The following AK9 variants were observed in gnomAD, a reference collection of about 807,000 sequenced individuals.
The protein encoded by AK9 is adenylate kinase 9, also known as adenylate kinase domain containing 1.
AK9 carries 191 observed loss-of-function variants against 239.6 expected under a neutral mutation model. The observed-to-expected ratio is 0.80, with a 90% CI of 0.71 to 0.90. The LOEUF is 0.90. Ranked by LOEUF, AK9 falls within the 40% of genes least tolerant of loss-of-function variation. AK9 has a pLI of 0.00. For synonymous variants in AK9, 689 were observed against 721.0 expected (o/e 0.96, Z 0.71); for missense variants, 1,995 against 2,214.7 (o/e 0.90, Z 1.99).
intron 5 of AK9, 101 bp downstream of exon 5, chr6:109,671,818 A>G: frequency 1.1e-6 from 1 of 936,680 alleles, no homozygotes; most frequent in South Asian, 1.6e-5. Context: ...TTCTTATGCT[A>G]AGGCAAAAGA....
At chr6:109,571,222 T>A (rs928287645) in intron 21 of AK9, among the ~76,000 whole-genome samples, 1 of 152,118 alleles carries the variant, frequency 6.6e-6, no homozygotes. Flanking sequence ...CAAATGGAAT[T>A]ATCATTATCC....
At chr6:109,509,465 G>T in intron 32 of AK9, 85 bp from the exon 33 acceptor site, 1 of 1,200,884 alleles carries the variant, frequency 8.3e-7, no homozygotes. Context: ...GGTATATTGT[G>T]TGATGCTCAG....
At position 109,619,230 on chromosome 6, in the gene AK9, C is replaced by G. The variant is rs762842091; in HGVS notation, c.1261G>C (p.Asp421His). 6.5e-7 allele frequency: 1 copy of G among 1,540,118 alleles called. No homozygotes were observed. The highest frequency in any genetic ancestry group is 2.1e-5 in the Admixed American group (1 of 47,868). ...LAENYKGKVV[D>H]YAQLVQPRFD... ...CGTGGCTGAACAAGTTGGGCATAGT[C>G]GACTACCTGCAAAGAATATTTGAGA... The change falls in exon 13 of 41, where the codon GAC (aspartate) becomes CAC (histidine). Residue 421 changes from aspartate (D) to histidine (H), a missense_variant. This residue lies in a region of AK9 where 1,290 missense variants were observed against 1,392.7 expected (regional missense o/e 0.93). Coordinates refer to ENST00000424296, the MANE Select transcript of AK9 (RefSeq NM_001145128.3).
intron 27 of AK9, among the ~76,000 whole-genome samples, chr6:109,537,855 G>T (rs1412489103): frequency 1.3e-5 from 2 of 152,060 alleles, no homozygotes; most frequent in African/African-American, 4.8e-5. Context: ...CTTTCATTTT[G>T]TTATGTACCC....
At chr6:109,573,671 G>C in intron 20 of AK9, 77 bp from the exon 21 acceptor site, 1 of 1,357,208 alleles carries the variant, frequency 7.4e-7, no homozygotes, top group South Asian at 1.5e-5. Flanking sequence ...AAGTGCTGAA[G>C]CCAAACAAAG....
intron 13 of AK9, among the ~76,000 whole-genome samples, chr6:109,614,948 A>G (rs2128242815): frequency 6.6e-6 from 1 of 152,350 alleles, no homozygotes; most frequent in South Asian, 2.1e-4. Context: ...TTTGGAAAAG[A>G]AAATAAAAAG....
chr6:109,633,127 AC>A, intron 11 of AK9, 24 bp from the exon 12 acceptor site: 2 of 1,555,158 alleles, frequency 1.3e-6, no homozygotes, highest in Non-Finnish European at 1.7e-6. Context: ...ATATTAGTAA[AC>A]AACTGAAAAG....
intron 29 of AK9, among the ~76,000 whole-genome samples, chr6:109,526,937 T>C (rs968417411): frequency 6.6e-6 from 1 of 152,184 alleles, no homozygotes; most frequent in Non-Finnish European, 1.5e-5. Context: ...TTCAACCTCA[T>C]GTGGACCCTG....
intron 1 of AK9, among the ~76,000 whole-genome samples, chr6:109,677,754 G>A (rs989912184): frequency 7.2e-5 from 11 of 152,076 alleles, no homozygotes; most frequent in Non-Finnish European, 1.6e-4. Flanking sequence ...ATTGGAAAAT[G>A]CCCAAAATAT....
At chr6:109,525,874 A>T (rs750194418) in intron 29 of AK9, among the ~76,000 whole-genome samples, 18 of 152,248 alleles carry the variant, frequency 1.2e-4, no homozygotes, top group Admixed American at 2.0e-4. Flanking sequence ...TAGCAAAGAC[A>T]TGCAATCAAC....
chr6:109,633,063 A>G lies in AK9; in HGVS notation c.1114T>C (p.Leu372=). The G allele has an allele frequency of 1.3e-6, 2 of 1,556,724 alleles. No homozygotes were observed. The highest frequency in any genetic ancestry group is 1.4e-5 in the African/African-American group (1 of 72,446). ...CGTGGGTTCAACAAAAATGGTTTTA[A>G]TGCTTCTTCTGATGAAAGACAGTAG... is the stretch of plus-strand genomic sequence containing the variant. ...KIYCLSSEEA[L]KPFLLNPRPY... Residue 372 remains leucine (L), a synonymous_variant, in exon 12 of 41, where the codon TTA becomes CTA. Transcript: ENST00000424296.
Position 109,533,253 on chromosome 6 carries a change from T to G in AK9, c.3568A>C (p.Arg1190=). 1 of 1,603,580 alleles carries G rather than the reference T, an allele frequency of 6.2e-7. No individual in the cohort carries two copies. The highest frequency in any genetic ancestry group is 8.5e-7 in the Non-Finnish European group (1 of 1,175,526). ...ATGCATTTTTGCTAGATACATACCC[T>G]GATTTTTGCCTTCATGTCTTTGATC... ...KLIKDMKAKI[R]VDTIAKRRAE... The change falls in exon 28 of 41, where the codon AGG becomes CGG. Residue 1190 remains arginine (R), a splice_region_variant and synonymous_variant. Coordinates refer to ENST00000424296, the MANE Select transcript of AK9 (RefSeq NM_001145128.3).
intron 12 of AK9, chr6:109,632,070 T>C: frequency 1.3e-6 from 1 of 778,850 alleles, no homozygotes; most frequent in Non-Finnish European, 1.6e-6. Context: ...GGCGTCTGGG[T>C]GCTGGCAACA....
At chr6:109,495,545 G>A (rs1776948509) in intron 38 of AK9, 105 bp from the exon 39 acceptor site, 2 of 733,542 alleles carry the variant, frequency 2.7e-6, no homozygotes, top group African/African-American at 3.6e-5. Context: ...TACTTTTTCT[G>A]CACTGGAGAA....
chr6:109,685,811 A>G (rs1239726890), intron 1 of AK9, among the ~76,000 whole-genome samples: 2 of 152,252 alleles, frequency 1.3e-5, no homozygotes, highest in African/African-American at 2.4e-5. Context: ...GATAACCAAG[A>G]GTAAATCATT....
chr6:109,542,317 T>C, intron 26 of AK9, 146 bp from the exon 27 acceptor site: 4 of 716,268 alleles, frequency 5.6e-6, no homozygotes, highest in Non-Finnish European at 8.9e-6. Context: ...GAAGGGTGTG[T>C]GGTAGGGATA....
At chr6:109,511,118 T>G (rs1375454760) in intron 32 of AK9, among the ~76,000 whole-genome samples, 4 of 151,438 alleles carry the variant, frequency 2.6e-5, no homozygotes, top group Admixed American at 6.6e-5. Flanking sequence ...TTTTTCTGCA[T>G]GAGGTGGCAA....
intron 5 of AK9, among the ~76,000 whole-genome samples, chr6:109,663,088 GTT>G (rs1233339322): frequency 6.6e-6 from 1 of 151,782 alleles, no homozygotes; most frequent in Non-Finnish European, 1.5e-5. Context: ...TGTGTATAAT[GTT>G]TTTATAAGTT....
intron 8 of AK9, among the ~76,000 whole-genome samples, chr6:109,648,809 T>C (rs923377455): frequency 1.2e-4 from 19 of 152,180 alleles, no homozygotes; most frequent in Admixed American, 9.8e-4. Flanking sequence ...TTTAGACCAA[T>C]ATCCTTGATG....
Sources: allele counts gnomAD v4.1 joint callset (sites outside exome capture counted in the v4.1 genomes callset), GRCh38; gene constraint gnomAD v4.1.1; regional missense constraint gnomAD v4.1.1; transcripts MANE v1.5; gene names NCBI Gene and HGNC (gene_info 2026-07-23, HGNC 2026-07-21).